Variants in CACNA2D1 observed in about 807,000 individuals in gnomAD.
CACNA2D1 encodes the protein voltage-dependent calcium channel subunit alpha-2/delta-1.
A neutral mutation model predicts 171.5 loss-of-function variants in CACNA2D1; 53 were observed. That is an observed-to-expected ratio of 0.31 (90% CI 0.25 to 0.39). The LOEUF is 0.39. CACNA2D1 is among the 10% of genes least tolerant of loss of function. The pLI, the probability that CACNA2D1 is intolerant of heterozygous loss-of-function variation, is 1.00. For synonymous variants in CACNA2D1, 442 were observed against 443.1 expected, an observed-to-expected ratio of 1.00 and a Z score of 0.03; for missense variants, 903 against 1,299.8, an observed-to-expected ratio of 0.69 and a Z score of 4.69.
intron 12 of CACNA2D1, among the ~76,000 whole-genome samples, chr7:82,019,397 A>C (rs941984043): frequency 7.9e-5 from 12 of 152,228 alleles, no homozygotes; most frequent in Non-Finnish European, 1.8e-4. Flanking sequence ...TTTTACTTTT[A>C]GTTGTTTCAA....
intron 3 of CACNA2D1, among the ~76,000 whole-genome samples, chr7:82,286,086 G>A (rs1229228879): frequency 6.6e-6 from 1 of 151,814 alleles, no homozygotes; most frequent in Non-Finnish European, 1.5e-5. Flanking sequence ...CCACTGTTTC[G>A]TACTTTTTCT....
chr7:82,095,709 C>A (rs1259491523), intron 6 of CACNA2D1, among the ~76,000 whole-genome samples: 1 of 151,820 alleles, frequency 6.6e-6, no homozygotes, highest in Non-Finnish European at 1.5e-5. Flanking sequence ...TGAACTGTAC[C>A]TCTCTGTTGG....
intron 3 of CACNA2D1, 93 bp downstream of exon 3, chr7:82,335,042 G>A (rs1338009862): frequency 1.2e-6 from 1 of 836,502 alleles, no homozygotes; most frequent in Non-Finnish European, 2.1e-6. Flanking sequence ...CTAAGAAGAA[G>A]AACGCATACC....
chr7:82,293,304 T>C (rs1362612329), intron 3 of CACNA2D1, among the ~76,000 whole-genome samples: 2 of 152,210 alleles, frequency 1.3e-5, no homozygotes, highest in Admixed American at 1.3e-4. Flanking sequence ...TTTTTCTTTT[T>C]ATCCTGTTTG....
intron 1 of CACNA2D1, among the ~76,000 whole-genome samples, chr7:82,396,350 T>C (rs989583166): frequency 6.6e-6 from 1 of 152,086 alleles, no homozygotes; most frequent in Admixed American, 6.5e-5. Flanking sequence ...AATACATAAA[T>C]AAGATTTCTC....
At chr7:82,093,386 T>C (rs1299595020) in intron 6 of CACNA2D1, among the ~76,000 whole-genome samples, 3 of 152,168 alleles carry the variant, frequency 2.0e-5, no homozygotes, top group Non-Finnish European at 4.4e-5. Flanking sequence ...TTAAAATATA[T>C]TTTTAATTTA....
chr7:82,125,138 T>C (rs1016962154), intron 5 of CACNA2D1, among the ~76,000 whole-genome samples: 2 of 152,174 alleles, frequency 1.3e-5, no homozygotes, highest in East Asian at 3.9e-4. Flanking sequence ...GCAACGTAAA[T>C]ATGCAAGGGA....
At chr7:82,364,074 GA>G (rs1349717306) in intron 1 of CACNA2D1, among the ~76,000 whole-genome samples, 4 of 151,102 alleles carry the variant, frequency 2.6e-5, no homozygotes, top group Non-Finnish European at 4.4e-5. Flanking sequence ...TCTCTACGAA[GA>G]AAAAAAAATA....
At chr7:82,409,197 T>C (rs113996966) in intron 1 of CACNA2D1, among the ~76,000 whole-genome samples, 1,828 of 152,298 alleles carry the variant, frequency 0.012, 34 homozygotes, top group African/African-American at 0.036. Flanking sequence ...ATATAGTAGG[T>C]ATTCAACCAA....
At chr7:82,406,462 C>T (rs1303982656) in intron 1 of CACNA2D1, among the ~76,000 whole-genome samples, 2 of 152,176 alleles carry the variant, frequency 1.3e-5, no homozygotes, top group Non-Finnish European at 2.9e-5. Flanking sequence ...CCTGAGGAAT[C>T]GCCACACTGT....
intron 3 of CACNA2D1, among the ~76,000 whole-genome samples, chr7:82,214,218 T>A (rs1030699206): frequency 6.6e-6 from 1 of 152,148 alleles, no homozygotes; most frequent in Non-Finnish European, 1.5e-5. Context: ...ATTGCAACAC[T>A]GGAAAAATTC....
At chr7:82,251,986 A>C (rs771729284) in intron 3 of CACNA2D1, among the ~76,000 whole-genome samples, 2 of 152,198 alleles carry the variant, frequency 1.3e-5, no homozygotes, top group Non-Finnish European at 2.9e-5. Context: ...TGTACTTTGG[A>C]ATACCCCAAT....
At chr7:81,991,451 T>C (rs556652917) in intron 20 of CACNA2D1, among the ~76,000 whole-genome samples, 2 of 152,322 alleles carry the variant, frequency 1.3e-5, no homozygotes, top group Admixed American at 1.3e-4. Flanking sequence ...GTGAAAAATC[T>C]TTATAGTTTA....
chr7:82,133,358 G>A (rs1386610486), intron 5 of CACNA2D1, among the ~76,000 whole-genome samples: 1 of 152,080 alleles, frequency 6.6e-6, no homozygotes, highest in Non-Finnish European at 1.5e-5. Context: ...CATGTTGAGG[G>A]CAAAATCTGA....
chr7:82,034,130 A>C (rs1445969336), intron 11 of CACNA2D1, among the ~76,000 whole-genome samples: 2 of 152,190 alleles, frequency 1.3e-5, no homozygotes, highest in East Asian at 3.9e-4. Flanking sequence ...AAGTCTTCAA[A>C]CTTCAGTATG....
intron 38 of CACNA2D1, among the ~76,000 whole-genome samples, chr7:81,950,826 T>C (rs1439477233): frequency 6.6e-6 from 1 of 152,064 alleles, no homozygotes; most frequent in African/African-American, 2.4e-5. Context: ...ATCCTATATA[T>C]TTATAAATGC....
At chr7:82,043,955 A>G (rs1413544722) in intron 10 of CACNA2D1, among the ~76,000 whole-genome samples, 2 of 152,238 alleles carry the variant, frequency 1.3e-5, no homozygotes, top group South Asian at 4.1e-4. Flanking sequence ...ATTAATGACA[A>G]AAGACATTCT....
chr7:82,257,061 C>T (rs1806392334), intron 3 of CACNA2D1, among the ~76,000 whole-genome samples: 1 of 152,160 alleles, frequency 6.6e-6, no homozygotes, highest in Admixed American at 6.5e-5. Flanking sequence ...GTTTGTTTTG[C>T]TCCCAGTACT....
intron 1 of CACNA2D1, among the ~76,000 whole-genome samples, chr7:82,388,665 T>A (rs75622746): frequency 0.012 from 1,760 of 152,276 alleles, 61 homozygotes; most frequent in East Asian, 0.07. Flanking sequence ...GCTTAAAGTT[T>A]ATATGAGGTC....
Sources: gnomAD v4.1 joint callset for allele counts (sites outside exome capture counted in the v4.1 genomes callset) on GRCh38, gnomAD v4.1.1 for gene constraint, MANE v1.5 for transcripts, NCBI Gene and HGNC (gene_info 2026-07-23, HGNC 2026-07-21) for gene names.